The following ANK3 variants were observed in gnomAD, a reference collection of about 807,000 sequenced individuals.
ANK3 encodes the protein ankyrin 3.
ANK3 carries 57 observed loss-of-function variants against 370.9 expected under a neutral mutation model. The ratio of observed to expected loss-of-function variants is 0.15; its 90% CI spans 0.12 to 0.19. The LOEUF (loss-of-function observed/expected upper bound fraction) is 0.19, where lower values mean the gene tolerates loss of function less well. Ranked by LOEUF, ANK3 falls within the 10% of genes least tolerant of loss-of-function variation. The pLI is 1.00. For missense variants in ANK3, 4,439 were observed against 5,302.1 expected, an observed-to-expected ratio of 0.84 and a Z score of 5.06; for synonymous variants, 1,929 against 1,946.3, an observed-to-expected ratio of 0.99 and a Z score of 0.23.
chr10:60,038,688 G>GGTGT (rs147947460), intron 43 of ANK3, among the ~76,000 whole-genome samples: 2,460 of 151,692 alleles, frequency 0.016, 35 homozygotes, highest in Non-Finnish European at 0.026. Flanking sequence ...TCTGAATGAT[G>GGTGT]GTGTGTGTGT....
chr10:60,621,133 A>G (rs1201587557), intron 1 of ANK3, among the ~76,000 whole-genome samples: 1 of 152,206 alleles, frequency 6.6e-6, no homozygotes, highest in Non-Finnish European at 1.5e-5. Flanking sequence ...CAATTCGGTC[A>G]AATATTTCTC....
At chr10:60,537,289 T>C (rs141910446) in intron 2 of ANK3, among the ~76,000 whole-genome samples, 9 of 152,104 alleles carry the variant, frequency 5.9e-5, no homozygotes, top group Admixed American at 5.9e-4. Context: ...GGAGAAAATA[T>C]AAAAAAGGAT....
At chr10:60,695,485 G>C (rs2079433125) in intron 1 of ANK3, among the ~76,000 whole-genome samples, 1 of 152,022 alleles carries the variant, frequency 6.6e-6, no homozygotes. Flanking sequence ...TTCCAAAATT[G>C]ACCACATACT....
chr10:60,297,729 T>C (rs1477224565), intron 1 of ANK3, among the ~76,000 whole-genome samples: 2 of 152,146 alleles, frequency 1.3e-5, no homozygotes, highest in African/African-American at 4.8e-5. Flanking sequence ...TCCAAATTTA[T>C]AACCGACCTG....
intron 28 of ANK3, among the ~76,000 whole-genome samples, chr10:60,091,244 T>A (rs1049101984): frequency 6.6e-6 from 1 of 152,166 alleles, no homozygotes; most frequent in African/African-American, 2.4e-5. Context: ...AGAACTTGCA[T>A]CTCTATGAAT....
rs58470722 is a variant in ANK3 at position 60,671,148 on chromosome 10, A to T, written c.58-55924T>A. ...TTTCAGTCACATGCAGCTAAATCTAAATATAAATATACCATTGCATTTGTA... is the reference window on the plus strand; with the variant it reads ...TTTCAGTCACATGCAGCTAAATCTATATATAAATATACCATTGCATTTGTA... On this transcript the variant is annotated intron_variant, in intron 1 of 43. Coordinates refer to the ANK3 transcript ENST00000373827. Among the ~76,000 whole-genome samples, 1,333 of 152,308 alleles carry T rather than the reference A, an allele frequency of 8.8e-3. 15 individuals carry two copies. The highest frequency in any genetic ancestry group is 0.03 in the African/African-American group (1,267 of 41,550).
intron 1 of ANK3, among the ~76,000 whole-genome samples, chr10:60,733,075 A>G (rs2080048204): frequency 6.6e-6 from 1 of 151,836 alleles, no homozygotes; most frequent in Non-Finnish European, 1.5e-5. Flanking sequence ...TCCAGGCGCA[A>G]CTGGACTCCC....
chr10:60,648,762 T>G (rs1172396178), intron 1 of ANK3, among the ~76,000 whole-genome samples: 2 of 82,094 alleles, frequency 2.4e-5, no homozygotes, highest in African/African-American at 4.3e-5. Context: ...AGAATAAGAC[T>G]GTCTTAAAAA....
chr10:60,564,700 A>G (rs941162794), intron 2 of ANK3, among the ~76,000 whole-genome samples: 11 of 152,358 alleles, frequency 7.2e-5, no homozygotes, highest in Admixed American at 6.5e-4. Flanking sequence ...GGAAACAAGT[A>G]CAGCTCTCAC....
intron 1 of ANK3, among the ~76,000 whole-genome samples, chr10:60,305,392 C>T (rs12261608): frequency 0.022 from 3,315 of 148,652 alleles, 112 homozygotes; most frequent in African/African-American, 0.077. Flanking sequence ...CTAGGCAGGA[C>T]ATTCGTGTCC....
intron 2 of ANK3, among the ~76,000 whole-genome samples, chr10:60,395,224 A>G (rs1271218641): frequency 3.3e-5 from 5 of 152,252 alleles, no homozygotes; most frequent in African/African-American, 7.2e-5. Flanking sequence ...AATACATAAC[A>G]GGTTACAAGA....
chr10:60,289,887 T>C (rs528337395), intron 1 of ANK3, among the ~76,000 whole-genome samples: 3 of 152,326 alleles, frequency 2.0e-5, no homozygotes, highest in Admixed American at 6.5e-5. Flanking sequence ...GTCTAATGAC[T>C]TGAAAGGCCC....
intron 1 of ANK3, among the ~76,000 whole-genome samples, chr10:60,350,317 G>A (rs1408722375): frequency 2.0e-5 from 3 of 152,152 alleles, no homozygotes; most frequent in Non-Finnish European, 2.9e-5. Context: ...GGATATGGGG[G>A]AGGGAATGAA....
intron 2 of ANK3, among the ~76,000 whole-genome samples, chr10:60,455,861 C>G (rs1417370941): frequency 6.6e-6 from 1 of 152,194 alleles, no homozygotes; most frequent in African/African-American, 2.4e-5. Context: ...ACTCTAACTT[C>G]AAGAGTCACT....
At chr10:60,278,002 A>G (rs551160154) in intron 4 of ANK3, among the ~76,000 whole-genome samples, 78 of 152,362 alleles carry the variant, frequency 5.1e-4, no homozygotes, top group African/African-American at 1.8e-3. Flanking sequence ...ATGAGGACCT[A>G]TATTTTTAAA....
intron 28 of ANK3, among the ~76,000 whole-genome samples, chr10:60,103,256 T>G (rs2091624442): frequency 6.6e-6 from 1 of 151,180 alleles, no homozygotes; most frequent in Non-Finnish European, 1.5e-5. Flanking sequence ...CCGGCCTATT[T>G]GTCTTTTTTA....
At chr10:60,440,857 G>A (rs1370370665) in intron 2 of ANK3, among the ~76,000 whole-genome samples, 1 of 152,148 alleles carries the variant, frequency 6.6e-6, no homozygotes, top group Non-Finnish European at 1.5e-5. Context: ...GTGTGAGGTG[G>A]CATATAGCCT....
chr10:60,294,947 T>A (rs2042193724), intron 1 of ANK3, among the ~76,000 whole-genome samples: 1 of 152,168 alleles, frequency 6.6e-6, no homozygotes, highest in South Asian at 2.1e-4. Context: ...TTATTTTCTA[T>A]AACAAAAAAT....
chr10:60,034,044 T>A (rs2074328843), intron 43 of ANK3, among the ~76,000 whole-genome samples: 1 of 151,990 alleles, frequency 6.6e-6, no homozygotes, highest in Non-Finnish European at 1.5e-5. Context: ...GTATAGATTC[T>A]GATTCAGTAG....
Sources: gnomAD v4.1 joint callset for allele counts (sites outside exome capture counted in the v4.1 genomes callset) on GRCh38, gnomAD v4.1.1 for gene constraint, MANE v1.5 for transcripts, NCBI Gene and HGNC (gene_info 2026-07-23, HGNC 2026-07-21) for gene names.